The following GRIP1 variants were observed in gnomAD, a reference collection of about 807,000 sequenced individuals.
The protein encoded by GRIP1 is glutamate receptor-interacting protein 1.
Under a neutral mutation model 129.9 loss-of-function variants are expected in GRIP1, and 45 were observed. The ratio of observed to expected loss-of-function variants is 0.35; its 90% CI spans 0.27 to 0.44. The LOEUF (loss-of-function observed/expected upper bound fraction) is 0.44, where lower values mean the gene tolerates loss of function less well. GRIP1 is among the 20% of genes least tolerant of loss of function. GRIP1 has a pLI of 1.00. For synonymous variants in GRIP1, 530 were observed against 520.8 expected (o/e 1.02, Z -0.24); for missense variants, 1,196 against 1,396.8 (o/e 0.86, Z 2.29).
chr12:66,411,124 G>C (rs1241765766), intron 15 of GRIP1, among the ~76,000 whole-genome samples: 4 of 152,130 alleles, frequency 2.6e-5, no homozygotes, highest in Non-Finnish European at 5.9e-5. Context: ...CCAAATCACA[G>C]TGCACCTGCT....
intron 1 of GRIP1, among the ~76,000 whole-genome samples, chr12:67,022,132 G>A (rs987830814): frequency 2.0e-5 from 3 of 152,038 alleles, no homozygotes; most frequent in Non-Finnish European, 1.5e-5. Context: ...TCTCTCATAC[G>A]CTGATCTCTT....
chr12:66,751,180 T>C (rs560066340), intron 1 of GRIP1, among the ~76,000 whole-genome samples: 53 of 152,178 alleles, frequency 3.5e-4, no homozygotes, highest in African/African-American at 1.3e-3. Flanking sequence ...AACATTAGAG[T>C]GAAAGCCCCC....
At chr12:66,619,294 G>A (rs1288586398) in intron 1 of GRIP1, among the ~76,000 whole-genome samples, 1 of 151,970 alleles carries the variant, frequency 6.6e-6, no homozygotes, top group African/African-American at 2.4e-5. Context: ...ACTTTTGGAT[G>A]GGCACATTAT....
At chr12:66,482,846 A>C (rs796723857) in intron 7 of GRIP1, among the ~76,000 whole-genome samples, 5 of 152,336 alleles carry the variant, frequency 3.3e-5, no homozygotes, top group African/African-American at 1.2e-4. Context: ...ACAGAAGATT[A>C]GTTTATCCTG....
At chr12:66,451,934 G>C (rs1592350047) in intron 11 of GRIP1, among the ~76,000 whole-genome samples, 1 of 152,126 alleles carries the variant, frequency 6.6e-6, no homozygotes, top group Admixed American at 6.5e-5. Context: ...TTTGTTCCCA[G>C]GTCAATAGAA....
At chr12:66,366,890 C>T (rs1204025218) in intron 23 of GRIP1, among the ~76,000 whole-genome samples, 1 of 152,040 alleles carries the variant, frequency 6.6e-6, no homozygotes, top group Non-Finnish European at 1.5e-5. Context: ...TGCTACATTG[C>T]CCAGGCTGGC....
intron 1 of GRIP1, among the ~76,000 whole-genome samples, chr12:66,598,462 C>A (rs1450382992): frequency 1.3e-5 from 2 of 152,216 alleles, no homozygotes; most frequent in Non-Finnish European, 1.5e-5. Flanking sequence ...GAAGTGGTAT[C>A]TTAGGTCTTC....
At chr12:66,928,176 A>G (rs2041327635) in intron 1 of GRIP1, among the ~76,000 whole-genome samples, 1 of 152,234 alleles carries the variant, frequency 6.6e-6, no homozygotes, top group African/African-American at 2.4e-5. Flanking sequence ...CAGTTAAAGT[A>G]TCCCCATATA....
chr12:66,599,966 T>A (rs1330885396), intron 1 of GRIP1, among the ~76,000 whole-genome samples: 1 of 152,218 alleles, frequency 6.6e-6, no homozygotes, highest in East Asian at 1.9e-4. Flanking sequence ...TGGGTCCACA[T>A]GTTGCTGTGT....
intron 7 of GRIP1, among the ~76,000 whole-genome samples, chr12:66,494,289 T>G (rs2060179188): frequency 6.6e-6 from 1 of 152,232 alleles, no homozygotes; most frequent in African/African-American, 2.4e-5. Context: ...AACACTCTGT[T>G]AAGACTTTTA....
At chr12:66,670,178 A>T (rs2034009420) in intron 1 of GRIP1, among the ~76,000 whole-genome samples, 2 of 152,340 alleles carry the variant, frequency 1.3e-5, no homozygotes, top group African/African-American at 4.8e-5. Flanking sequence ...TGAGATGCTC[A>T]GAACATTGCA....
intron 1 of GRIP1, among the ~76,000 whole-genome samples, chr12:67,053,562 G>A (rs1034074701): frequency 2.6e-5 from 4 of 152,198 alleles, no homozygotes; most frequent in Middle Eastern, 3.4e-3. Flanking sequence ...TCCTTGGGCC[G>A]GGCGTGGTGG....
rs1308974868 is a variant in GRIP1, at chr12:66,965,596, T to TGTGTGTGA, written c.58+103453_58+103454insTCACACAC. On this transcript the variant is annotated intron_variant, in intron 1 of 1. Coordinates refer to the GRIP1 transcript ENST00000643019. ...GTGTGTGTGTGTGTGTGTGTGTGTGTGAGATATTATTACTAAAATGGGACT... is the reference window on the plus strand; with the variant it reads ...GTGTGTGTGTGTGTGTGTGTGTGTGTGTGTGTGAGAGATATTATTACTAAAATGGGACT... Among the ~76,000 whole-genome samples the TGTGTGTGA allele has an allele frequency of 6.4e-3, 944 of 146,784 alleles. 12 individuals carry two copies. Among genetic ancestry groups the TGTGTGTGA allele is most frequent in the African/African-American group, 0.023 (897 of 39,334 alleles).
At chr12:66,510,106 C>T (rs1302746044) in intron 7 of GRIP1, among the ~76,000 whole-genome samples, 2 of 152,122 alleles carry the variant, frequency 1.3e-5, no homozygotes, top group African/African-American at 4.8e-5. Context: ...AATTTGTTCA[C>T]AATTTATTGA....
intron 9 of GRIP1, among the ~76,000 whole-genome samples, chr12:66,457,587 T>C (rs1376991721): frequency 3.3e-5 from 5 of 152,204 alleles, no homozygotes; most frequent in Non-Finnish European, 2.9e-5. Context: ...TCCTTCTACT[T>C]TCATGATTTT....
chr12:66,812,942 C>G (rs2039131324), intron 1 of GRIP1, among the ~76,000 whole-genome samples: 1 of 152,050 alleles, frequency 6.6e-6, no homozygotes, highest in African/African-American at 2.4e-5. Context: ...TCCTGTGTGT[C>G]TCTAGTGCCA....
chr12:66,532,550 A>G (rs1043889219), intron 4 of GRIP1, among the ~76,000 whole-genome samples: 2 of 152,112 alleles, frequency 1.3e-5, no homozygotes, highest in South Asian at 4.1e-4. Flanking sequence ...TTCCTACCTC[A>G]TTATGCTGCA....
intron 13 of GRIP1, among the ~76,000 whole-genome samples, chr12:66,440,179 T>C (rs911143244): frequency 2.0e-5 from 3 of 152,322 alleles, no homozygotes; most frequent in Middle Eastern, 3.4e-3. Flanking sequence ...ATTTTAATTT[T>C]TGTGGGTACA....
At chr12:66,974,966 A>G (rs868096945) in intron 1 of GRIP1, among the ~76,000 whole-genome samples, 53 of 152,196 alleles carry the variant, frequency 3.5e-4, no homozygotes, top group African/African-American at 1.2e-3. Context: ...TCCTCTCATC[A>G]AACATTCCTT....
Sources: allele counts gnomAD v4.1 joint callset (sites outside exome capture counted in the v4.1 genomes callset), GRCh38; gene constraint gnomAD v4.1.1; transcripts MANE v1.5; gene names NCBI Gene and HGNC (gene_info 2026-07-23, HGNC 2026-07-21).